Variants in PNCK observed in about 807,000 individuals in gnomAD.
The protein encoded by PNCK is calcium/calmodulin-dependent protein kinase type 1B.
In PNCK, 21 loss-of-function variants were observed where a neutral mutation model predicts 28.3. The ratio of observed to expected loss-of-function variants is 0.74; its 90% confidence interval spans 0.53 to 1.07. PNCK has a LOEUF of 1.07. PNCK is among the 50% of genes least tolerant of loss of function. The pLI, the probability that PNCK is intolerant of heterozygous loss-of-function variation, is 0.00. For synonymous variants in PNCK, 136 were observed against 125.2 expected, an observed-to-expected ratio of 1.09 and a Z score of -0.58; for missense variants, 250 against 298.3, an observed-to-expected ratio of 0.84 and a Z score of 1.19.
chrX:153,673,029 C>T lies in PNCK; in HGVS notation c.48G>A (p.Glu16=). ...KHTEDISSVY[E]IRERLGSGAF... ...CTCACGAGCCGAGCCTCTCGCGGAT[C>T]TCGTAGACGCTGCTGATGTCCTCCG... is the stretch of plus-strand genomic sequence containing the variant. Residue 16 remains glutamate (E), a synonymous_variant, in exon 2 of 12, where the codon GAG becomes GAA. Transcript: ENST00000340888. 2 of 1,196,419 alleles carry T rather than the reference C, an allele frequency of 1.7e-6. No homozygotes were observed. Among genetic ancestry groups the T allele is most frequent in the Non-Finnish European group, 2.3e-6 (2 of 886,127 alleles).
Position 153,673,002 on chromosome X carries a change from C to T in PNCK, c.68+7G>A. ...ACACACGATCACACACGCGCGCGCA[C>T]ACTCACGAGCCGAGCCTCTCGCGGA... On this transcript the variant is annotated splice_region_variant and intron_variant, in intron 2 of 11. Transcript: ENST00000340888. 1 of 1,179,764 alleles carries T rather than the reference C, an allele frequency of 8.5e-7. No individual in the cohort carries two copies. Among genetic ancestry groups the T allele is most frequent in the African/African-American group, 1.8e-5 (1 of 57,084 alleles).
upstream of PNCK, chrX:153,674,247 C>T: frequency 8.8e-7 from 1 of 1,132,723 alleles, no homozygotes; most frequent in Non-Finnish European, 1.2e-6. Flanking sequence ...CACTGGGCTC[C>T]CTCTGGCTCC....
Position 153,671,865 on chromosome X carries a change from G to A in PNCK, c.414+15C>T. ...GCAGGTGGGAGGGTGGGGTGCAGAG[G>A]CCCCAGCCAGGCACCTTGAGGTCCC... is the stretch of plus-strand genomic sequence containing the variant. On this transcript the variant is annotated intron_variant, in intron 5 of 11. Transcript: ENST00000340888. 8.3e-7 allele frequency: 1 copy of A among 1,205,683 alleles called. No individual in the cohort carries two copies. Among genetic ancestry groups the A allele is most frequent in the Non-Finnish European group, 1.1e-6 (1 of 892,938 alleles).
At chrX:153,681,206 G>A (rs1220452268) in intron 1 of PNCK, among the ~76,000 whole-genome samples, 1 of 111,791 alleles carries the variant, frequency 8.9e-6, no homozygotes, top group African/African-American at 3.3e-5. Context: ...ATAAATAAAT[G>A]TGGGAGAACA....
chrX:153,681,452 C>T (rs1483420027), intron 1 of PNCK, among the ~76,000 whole-genome samples: 1 of 111,701 alleles, frequency 9.0e-6, no homozygotes, highest in Admixed American at 9.5e-5. Context: ...CTCCTGATCA[C>T]CCCTGAGGCC....
intron 1 of PNCK, among the ~76,000 whole-genome samples, chrX:153,684,708 G>A (rs940487440): frequency 5.4e-5 from 6 of 111,103 alleles, no homozygotes; most frequent in African/African-American, 1.6e-4. Flanking sequence ...AGGGCCCGGT[G>A]GCCCCTCACC....
chrX:153,681,516 C>T (rs1557042481), intron 1 of PNCK, among the ~76,000 whole-genome samples: 1 of 111,780 alleles, frequency 8.9e-6, no homozygotes, highest in Non-Finnish European at 1.9e-5. Flanking sequence ...TTTTACAACA[C>T]ACTGCCCAGT....
chrX:153,673,911 C>T, upstream of PNCK: 1 of 944,243 alleles, frequency 1.1e-6, no homozygotes, highest in East Asian at 4.6e-5. Flanking sequence ...CCAGCGCGGC[C>T]GCGGCGCCGC....
At chrX:153,673,907 C>A, upstream of PNCK, 3 of 936,314 alleles carry the variant, frequency 3.2e-6, no homozygotes, top group South Asian at 1.4e-4. Flanking sequence ...TGGCCCAGCG[C>A]GGCCGCGGCG....
chrX:153,672,630 T>A lies in PNCK; in HGVS notation c.136A>T (p.Ile46Phe). ...GSAHLVALKC[I>F]PKKALRGKEA... is the part of the protein sequence containing the mutation. ...TTGCCCCGGAGGGCCTTCTTGGGGA[T>A]GCACTTGAGGGCCACGAGGTGTGCG... The change falls in exon 3 of 12, where the codon ATC (isoleucine) becomes TTC (phenylalanine). Residue 46 changes from isoleucine to phenylalanine, a missense_variant. Transcript: ENST00000340888. The A allele has an allele frequency of 8.3e-7, 1 of 1,207,343 alleles. No individual in the cohort carries two copies. The highest frequency in any genetic ancestry group is 1.1e-6 in the Non-Finnish European group (1 of 895,368).
upstream of PNCK, chrX:153,673,882 C>A (rs1431669702): frequency 2.2e-5 from 19 of 853,262 alleles, no homozygotes; most frequent in African/African-American, 3.9e-4. Flanking sequence ...CCCCGCCAGC[C>A]GCCCAAGCAC....
rs781912274 is a variant in PNCK at position 153,670,507 on chromosome X, C to G, written c.982G>C (p.Ala328Pro). The G allele has an allele frequency of 1.7e-6, 2 of 1,208,148 alleles. No homozygotes were observed. The highest frequency in any genetic ancestry group is 3.5e-5 in the South Asian group (2 of 56,417). The change falls in exon 11 of 12, where the codon GCC becomes CCC. Residue 328 changes from alanine (A) to proline (P), a missense_variant. Physicochemically the swap from Ala to Pro is conservative, Grantham distance 27. Coordinates refer to ENST00000340888, the MANE Select transcript of PNCK (RefSeq NM_001366977.1). ...CGGAGGCCTGAGTGGCTGTGGCGGG[C>G]CATGCCCTGCTCAGAGGCCCCCTCG... The part of the protein sequence containing the change: ...EGEGASEQGM[A>P]RHSHSGLRAG...
intron 1 of PNCK, among the ~76,000 whole-genome samples, chrX:153,683,980 A>T (rs1165861213): frequency 6.2e-5 from 7 of 112,469 alleles, no homozygotes; most frequent in Non-Finnish European, 1.3e-4. Context: ...GCTCTGAACA[A>T]TGGCTGGTCA....
At chrX:153,673,665 G>A (rs1202200991) in intron 1 of PNCK, 115 bp downstream of exon 1, 3 of 422,712 alleles carry the variant, frequency 7.1e-6, no homozygotes, top group East Asian at 3.9e-4. Flanking sequence ...CGTGCGGGCA[G>A]GGGGCGCGCC....
At chrX:153,682,428 T>A (rs184825543) in intron 1 of PNCK, among the ~76,000 whole-genome samples, 1 of 111,538 alleles carries the variant, frequency 9.0e-6, no homozygotes, top group African/African-American at 3.3e-5. Context: ...CACAGGTGCG[T>A]GTCACCGCCC....
At chrX:153,677,562 G>A (rs1286053491), upstream of PNCK, among the ~76,000 whole-genome samples, 1 of 100,584 alleles carries the variant, frequency 9.9e-6, no homozygotes, top group Non-Finnish European at 2.0e-5. Flanking sequence ...TATATAGTGT[G>A]TATATATAGT....
chrX:153,677,545 G>GTA (rs781965069), upstream of PNCK, among the ~76,000 whole-genome samples: 19 of 101,230 alleles, frequency 1.9e-4, no homozygotes, highest in South Asian at 8.9e-4. Context: ...TACATAGTGT[G>GTA]TATATATATA....
chrX:153,678,449 G>T (rs1341773222), upstream of PNCK, among the ~76,000 whole-genome samples: 1 of 111,410 alleles, frequency 9.0e-6, no homozygotes, highest in Non-Finnish European at 1.9e-5. Context: ...GCAAGATCCT[G>T]TCTCTAAAAA....
At position 153,685,413 on chromosome X, in the gene PNCK, C is replaced by T. The variant is rs1002316609; in HGVS notation, c.-3+2018G>A. Among the ~76,000 whole-genome samples, 12 of 109,982 alleles carry T rather than the reference C, an allele frequency of 1.1e-4. No homozygotes were observed. In the South Asian group the frequency reaches 1.2e-3, roughly 11 times the overall value. On this transcript the variant is annotated intron_variant, in intron 1 of 3. Coordinates refer to the PNCK transcript ENST00000419804. ...CTGTGACAGAGACCAGAGCTCCGGC[C>T]GGAGCTCCCCGCCGGGAACTCCAGC...
Sources: allele counts gnomAD v4.1 joint callset (sites outside exome capture counted in the v4.1 genomes callset), GRCh38; gene constraint gnomAD v4.1.1; transcripts MANE v1.5; gene names NCBI Gene and HGNC (gene_info 2026-07-23, HGNC 2026-07-21).